Variants in DNAJC16 observed in about 807,000 individuals in gnomAD.
DNAJC16 encodes the protein DnaJ heat shock protein family (Hsp40) member C16.
DNAJC16 carries 76 observed loss-of-function variants against 92.7 expected under a neutral mutation model. The observed-to-expected ratio is 0.82, with a 90% CI of 0.68 to 0.99. DNAJC16 has a LOEUF of 0.99. DNAJC16 is among the 50% of genes least tolerant of loss of function. The pLI is 0.00. For missense variants in DNAJC16, 869 were observed against 942.4 expected, an observed-to-expected ratio of 0.92 and a Z score of 1.02; for synonymous variants, 328 against 358.7, an observed-to-expected ratio of 0.91 and a Z score of 0.97.
chr1:15,557,881 T>C (rs1638602124), intron 7 of DNAJC16, among the ~76,000 whole-genome samples: 1 of 151,958 alleles, frequency 6.6e-6, no homozygotes, highest in South Asian at 2.1e-4. Flanking sequence ...TACAGGCACA[T>C]GCCACCATGC....
chr1:15,546,920 T>C lies in DNAJC16; in HGVS notation c.864+49T>C, dbSNP rs369602760. On this transcript the variant is annotated intron_variant, in intron 6 of 14. Coordinates refer to ENST00000375847, the MANE Select transcript of DNAJC16 (RefSeq NM_015291.4). ...GTTTCTTTTTCTTTTCTTTTCTTTT[T>C]TTTTTTTTTTTTTTAGCAGAAAGTA... The C allele has an allele frequency of 1.1e-3, 1,325 of 1,237,668 alleles. 4 individuals are homozygous for C. The African/African-American group carries it at 0.018, about 17-fold the overall frequency. The allele number at this position is 1,237,668 out of a possible 1,614,324, so 76.7% of individuals were successfully genotyped here.
At chr1:15,544,075 G>A (rs921671178) in intron 4 of DNAJC16, among the ~76,000 whole-genome samples, 1 of 151,610 alleles carries the variant, frequency 6.6e-6, no homozygotes, top group Non-Finnish European at 1.5e-5. Context: ...ATGGTTGGAT[G>A]AAAGAACAAG....
At chr1:15,537,140 C>G (rs1293755725) in intron 4 of DNAJC16, among the ~76,000 whole-genome samples, 1 of 152,214 alleles carries the variant, frequency 6.6e-6, no homozygotes, top group Admixed American at 6.5e-5. Flanking sequence ...TGGGAGCCAC[C>G]ATGCCTGGCC....
intron 14 of DNAJC16, 31 bp downstream of exon 14, chr1:15,567,300 G>A: frequency 6.3e-7 from 1 of 1,589,462 alleles, no homozygotes; most frequent in Non-Finnish European, 8.6e-7. Flanking sequence ...ATGTATGTAT[G>A]TGTGTGAGAG....
chr1:15,557,705 T>C (rs548704762), intron 7 of DNAJC16, among the ~76,000 whole-genome samples: 1 of 152,084 alleles, frequency 6.6e-6, no homozygotes, highest in African/African-American at 2.4e-5. Context: ...CAAAATATTT[T>C]CTAATATCTG....
At position 15,541,080 on chromosome 1, in the gene DNAJC16, T is replaced by C. The variant is rs536996593; in HGVS notation, c.575-3319T>C. On this transcript the variant is annotated intron_variant, in intron 4 of 14. Coordinates refer to ENST00000375847, the MANE Select transcript of DNAJC16 (RefSeq NM_015291.4). ...TCCTTAGCCATAAAGATAGCAATAC[T>C]TACCTTGCAGAATGATTGTGAGTAT... 6.6e-5 allele frequency among the ~76,000 whole-genome samples: 10 copies of C among 152,286 alleles called. No homozygotes were observed. The East Asian group carries it at 1.7e-3, about 26-fold the overall frequency.
chr1:15,562,770 C>T (rs1381147949), intron 9 of DNAJC16, among the ~76,000 whole-genome samples: 2 of 151,986 alleles, frequency 1.3e-5, no homozygotes, highest in Non-Finnish European at 2.9e-5. Context: ...GCATGAGCCA[C>T]TGCTCCTGGC....
At chr1:15,535,625 C>T (rs1710761313) in intron 3 of DNAJC16, among the ~76,000 whole-genome samples, 1 of 152,080 alleles carries the variant, frequency 6.6e-6, no homozygotes, top group Non-Finnish European at 1.5e-5. Context: ...GTCCTAGCTA[C>T]TCAGGAGGCT....
At position 15,567,828 on chromosome 1, in the gene DNAJC16, G is replaced by T. The variant is rs1332104601; in HGVS notation, c.2000G>T (p.Trp667Leu). Reference sequence around the variant, plus strand: ...CTGAGTCTAGATAAACACAGAGAATGGCTAGAATACTTACTAGAATTTGCT... The same window carrying T: ...CTGAGTCTAGATAAACACAGAGAATTGCTAGAATACTTACTAGAATTTGCT... ...SFLSLDKHRE[W>L]LEYLLEFAQD... The change falls in exon 15 of 15, where the codon TGG (tryptophan) becomes TTG (leucine). Residue 667 changes from tryptophan to leucine, a missense_variant. Physicochemically the swap from Trp to Leu is moderately conservative, Grantham distance 61. Coordinates refer to ENST00000375847, the MANE Select transcript of DNAJC16 (RefSeq NM_015291.4). 17 of 1,614,140 alleles carry T rather than the reference G, an allele frequency of 1.1e-5. No individual in the cohort carries two copies. The highest frequency in any genetic ancestry group is 1.4e-5 in the Non-Finnish European group (17 of 1,180,004).
intron 2 of DNAJC16, among the ~76,000 whole-genome samples, chr1:15,531,336 T>G (rs1710655008): frequency 6.6e-6 from 1 of 152,246 alleles, no homozygotes; most frequent in Non-Finnish European, 1.5e-5. Flanking sequence ...ATTTTTAAAA[T>G]AAATGTTTTA....
chr1:15,556,233 GT>G (rs1638569386), intron 7 of DNAJC16, among the ~76,000 whole-genome samples: 1 of 146,044 alleles, frequency 6.8e-6, no homozygotes, highest in African/African-American at 2.5e-5. Flanking sequence ...GTTTTGTTTT[GT>G]TTTGTTTTGT....
At chr1:15,566,799 A>C (rs1638820673) in intron 13 of DNAJC16, among the ~76,000 whole-genome samples, 1 of 152,132 alleles carries the variant, frequency 6.6e-6, no homozygotes, top group South Asian at 2.1e-4. Flanking sequence ...TAGGAGGATC[A>C]CTTGAGCCCA....
At chr1:15,539,416 T>G (rs1710878056) in intron 4 of DNAJC16, among the ~76,000 whole-genome samples, 1 of 151,824 alleles carries the variant, frequency 6.6e-6, no homozygotes, top group African/African-American at 2.4e-5. Context: ...CGGCTAATTT[T>G]TTTGTATTTT....
chr1:15,565,262 C>T (rs934448259), intron 11 of DNAJC16: 4 of 152,690 alleles, frequency 2.6e-5, no homozygotes, highest in African/African-American at 9.6e-5. Flanking sequence ...GTGCCCAGCA[C>T]AGGGCCTGAC....
intron 3 of DNAJC16, among the ~76,000 whole-genome samples, chr1:15,535,476 G>A (rs1166487295): frequency 6.6e-6 from 1 of 152,188 alleles, no homozygotes; most frequent in Non-Finnish European, 1.5e-5. Flanking sequence ...GCTGGACCCA[G>A]TGGCTGCTCA....
intron 7 of DNAJC16, among the ~76,000 whole-genome samples, chr1:15,552,619 TTTC>T (rs1015451374): frequency 6.6e-6 from 1 of 151,954 alleles, no homozygotes; most frequent in African/African-American, 2.4e-5. Flanking sequence ...GGAACACAGA[TTTC>T]TTCTTTTTTT....
Position 15,569,723 on chromosome 1 carries a change from C to T in DNAJC16, c.*1546C>T, listed in dbSNP as rs1255643395. 1.3e-5 allele frequency: 2 copies of T among 151,200 alleles called. No homozygotes were observed. Among genetic ancestry groups the T allele is most frequent in the African/African-American group, 2.4e-5 (1 of 41,112 alleles). 9.4% of individuals were successfully genotyped at this position (151,200 alleles called of 1,614,324 possible). ...TGGTGCGATCTCGGTTCACCGCAAC[C>T]TCCACATCCCAGGTTCAAGTGATTC... On this transcript the variant is annotated 3_prime_UTR_variant, in exon 15 of 15. Coordinates refer to ENST00000375847, the MANE Select transcript of DNAJC16 (RefSeq NM_015291.4).
In DNAJC16 at chr1:15,566,145, G is replaced by GA; in HGVS notation, c.1747dup (p.Thr583AsnfsTer2). The GA allele has an allele frequency of 6.2e-7, 1 of 1,613,964 alleles. No individual in the cohort carries two copies. The highest frequency in any genetic ancestry group is 2.2e-5 in the East Asian group (1 of 44,868). ...AAGAGGAAGCCCAAGAGAAGACTGG[G>GA]AAAACTGAGCCAAGCTTCACCAAAG... is the stretch of plus-strand genomic sequence containing the variant. On this transcript the variant is annotated frameshift_variant, in exon 13 of 15. Transcript: ENST00000375847. LOFTEE classifies it high-confidence loss of function.
intron 2 of DNAJC16, 22 bp from the exon 3 acceptor site, chr1:15,534,215 C>T (rs747767294): frequency 4.3e-6 from 7 of 1,613,284 alleles, no homozygotes; most frequent in African/African-American, 4.0e-5. Context: ...CCTTTCTCAC[C>T]GCCTGCCTGT....
Sources: allele counts gnomAD v4.1 joint callset (sites outside exome capture counted in the v4.1 genomes callset), GRCh38; gene constraint gnomAD v4.1.1; transcripts MANE v1.5; gene names NCBI Gene and HGNC (gene_info 2026-07-23, HGNC 2026-07-21).